The following SYT1 variants were observed in gnomAD, a reference collection of about 807,000 sequenced individuals.
SYT1 encodes synaptotagmin-1.
SYT1 carries 8 observed loss-of-function variants against 44.8 expected under a neutral mutation model. The ratio of observed to expected loss-of-function variants is 0.18; its 90% CI spans 0.10 to 0.32. The LOEUF (loss-of-function observed/expected upper bound fraction) is 0.32. Among genes scored for constraint, SYT1 ranks in the 10% least tolerant of loss-of-function variants. The pLI, the probability that SYT1 is intolerant of heterozygous loss-of-function variation, is 1.00. For missense variants in SYT1, 286 were observed against 509.3 expected (o/e 0.56, Z 4.22); for synonymous variants, 154 against 188.8 (o/e 0.82, Z 1.51).
At chr12:78,955,079 C>T (rs1049503323) in intron 1 of SYT1, among the ~76,000 whole-genome samples, 19 of 152,098 alleles carry the variant, frequency 1.2e-4, no homozygotes, top group African/African-American at 4.3e-4. Context: ...TTTCACATTT[C>T]TGGTTTTTAA....
chr12:79,414,921 T>A (rs1226420485), intron 9 of SYT1, among the ~76,000 whole-genome samples: 1 of 152,110 alleles, frequency 6.6e-6, no homozygotes, highest in Non-Finnish European at 1.5e-5. Context: ...AAAAGGAATA[T>A]AGTGATGTGC....
chr12:79,256,391 T>C (rs957611783), intron 4 of SYT1, among the ~76,000 whole-genome samples: 34 of 152,252 alleles, frequency 2.2e-4, no homozygotes, highest in Non-Finnish European at 4.8e-4. Flanking sequence ...TAGCTCCAGA[T>C]TGATTTTAAT....
chr12:78,985,612 G>A (rs967436723), intron 2 of SYT1, among the ~76,000 whole-genome samples: 16 of 151,618 alleles, frequency 1.1e-4, no homozygotes, highest in Admixed American at 4.0e-4. Context: ...AGTAGAAGAC[G>A]TGATAACAAA....
At chr12:79,035,475 T>G (rs527667659) in intron 2 of SYT1, among the ~76,000 whole-genome samples, 6 of 151,756 alleles carry the variant, frequency 4.0e-5, no homozygotes, top group Admixed American at 1.3e-4. Flanking sequence ...CTGTTTTATC[T>G]CAACATTCTC....
intron 3 of SYT1, among the ~76,000 whole-genome samples, chr12:79,179,565 A>ATATAGATATATC (rs1872380897): frequency 6.7e-6 from 1 of 148,340 alleles, no homozygotes. Flanking sequence ...ATAGATTTAG[A>ATATAGATATATC]TATATAGATA....
intron 2 of SYT1, among the ~76,000 whole-genome samples, chr12:79,008,368 T>C (rs551705863): frequency 1.1e-4 from 16 of 152,240 alleles, no homozygotes; most frequent in African/African-American, 3.1e-4. Flanking sequence ...CCACAGCATG[T>C]AGAATCGTAT....
chr12:79,168,687 A>C (rs756570302), intron 3 of SYT1, among the ~76,000 whole-genome samples: 2 of 152,044 alleles, frequency 1.3e-5, no homozygotes, highest in Non-Finnish European at 2.9e-5. Flanking sequence ...GCTCTTGGAC[A>C]TAGTTATCAT....
At chr12:79,263,483 A>G (rs1592910402) in intron 4 of SYT1, among the ~76,000 whole-genome samples, 1 of 152,158 alleles carries the variant, frequency 6.6e-6, no homozygotes, top group East Asian at 1.9e-4. Context: ...ATTGCTTGAA[A>G]GACATTTGCC....
chr12:79,147,933 G>T (rs367683777), intron 3 of SYT1, among the ~76,000 whole-genome samples: 2 of 152,118 alleles, frequency 1.3e-5, no homozygotes, highest in Non-Finnish European at 2.9e-5. Context: ...AAGTTTTGAT[G>T]CCACATCTGG....
At chr12:79,441,186 G>T (rs1182986208) in intron 9 of SYT1, among the ~76,000 whole-genome samples, 1 of 152,184 alleles carries the variant, frequency 6.6e-6, no homozygotes, top group Non-Finnish European at 1.5e-5. Flanking sequence ...TGCCTGCAAC[G>T]TAAGTGCTTT....
At chr12:79,251,466 G>C (rs1480744839) in intron 4 of SYT1, among the ~76,000 whole-genome samples, 1 of 152,160 alleles carries the variant, frequency 6.6e-6, no homozygotes, top group Non-Finnish European at 1.5e-5. Context: ...AGCCTCCTTA[G>C]TCATCAAATC....
At chr12:79,427,759 A>C (rs1393934272) in intron 9 of SYT1, among the ~76,000 whole-genome samples, 2 of 152,162 alleles carry the variant, frequency 1.3e-5, no homozygotes, top group Non-Finnish European at 2.9e-5. Context: ...ACACATTCAA[A>C]GGGCTAAAAG....
At chr12:79,171,941 G>A (rs1338471240) in intron 3 of SYT1, among the ~76,000 whole-genome samples, 1 of 151,928 alleles carries the variant, frequency 6.6e-6, no homozygotes, top group Non-Finnish European at 1.5e-5. Context: ...ATAAGTACTA[G>A]TTATTGTTAG....
At chr12:79,410,198 A>T (rs1228288763) in intron 9 of SYT1, among the ~76,000 whole-genome samples, 4 of 152,192 alleles carry the variant, frequency 2.6e-5, no homozygotes, top group African/African-American at 9.7e-5. Context: ...CTAAAAGAGA[A>T]TAATAGGCTG....
chr12:79,408,446 C>A (rs1868313398), intron 9 of SYT1, among the ~76,000 whole-genome samples: 1 of 152,104 alleles, frequency 6.6e-6, no homozygotes, highest in South Asian at 2.1e-4. Flanking sequence ...TTGGAAGGAG[C>A]AAGGATCGGA....
At chr12:79,109,915 T>C (rs184687694) in intron 3 of SYT1, among the ~76,000 whole-genome samples, 1 of 152,276 alleles carries the variant, frequency 6.6e-6, no homozygotes, top group African/African-American at 2.4e-5. Flanking sequence ...ACAGCAAGTT[T>C]TCCACTCTAT....
At chr12:79,443,930 A>G (rs916908892) in intron 9 of SYT1, 143 bp from the exon 10 acceptor site, 10 of 878,494 alleles carry the variant, frequency 1.1e-5, no homozygotes, top group Non-Finnish European at 1.5e-5. Flanking sequence ...AAATATTTCA[A>G]TAAAAAAGTA....
At chr12:79,311,582 G>A (rs1157856742) in intron 8 of SYT1, among the ~76,000 whole-genome samples, 11 of 144,682 alleles carry the variant, frequency 7.6e-5, no homozygotes, top group South Asian at 2.3e-4. Context: ...TGTTTATTGC[G>A]GCACTATTCA....
chr12:78,874,679 G>A (rs1053686245), intron 1 of SYT1, among the ~76,000 whole-genome samples: 1 of 151,604 alleles, frequency 6.6e-6, no homozygotes, highest in Non-Finnish European at 1.5e-5. Context: ...TGGTGCTCAT[G>A]TGACCATAAA....
Sources: gnomAD v4.1 joint callset for allele counts (sites outside exome capture counted in the v4.1 genomes callset) on GRCh38, gnomAD v4.1.1 for gene constraint, MANE v1.5 for transcripts, NCBI Gene and HGNC (gene_info 2026-07-23, HGNC 2026-07-21) for gene names.